HHIPL1: variants seen among roughly 807,000 people sequenced by gnomAD.
HHIPL1 encodes HHIP-like protein 1.
In HHIPL1, 43 loss-of-function variants were observed where a neutral mutation model predicts 61.8. The ratio of observed to expected loss-of-function variants is 0.70; its 90% CI spans 0.55 to 0.90. The LOEUF (loss-of-function observed/expected upper bound fraction) is 0.90. Ranked by LOEUF, HHIPL1 falls within the 40% of genes least tolerant of loss-of-function variation. The pLI is 0.00. For missense variants in HHIPL1, 1,056 were observed against 1,157.7 expected (o/e 0.91, Z 1.28); for synonymous variants, 482 against 515.8 (o/e 0.93, Z 0.89).
In HHIPL1 at chr14:99,660,313, C is replaced by A. The variant is rs1307197329; in HGVS notation, c.1409C>A (p.Thr470Lys). ...CTGCCGATTTTCGCCTACCCGCACACGGTTGGCAAGTCGGTCACAGGGGGC... is the reference window on the plus strand; with the variant it reads ...CTGCCGATTTTCGCCTACCCGCACAAGGTTGGCAAGTCGGTCACAGGGGGC... ...DLLPIFAYPHTVGKSVTGGYV... is the reference protein window; with the variant it reads ...DLLPIFAYPHKVGKSVTGGYV... The change falls in exon 5 of 9, where the codon ACG becomes AAG. Residue 470 changes from threonine to lysine, a missense_variant. By Grantham distance (78) the Thr-to-Lys change is moderately conservative. Transcript: ENST00000330710. This position sits in a 1 kb window ranked among gnomAD's most constrained non-coding sequence, Gnocchi z 4.9. 2 of 1,613,970 alleles carry A rather than the reference C, an allele frequency of 1.2e-6. No homozygotes were observed. Among genetic ancestry groups the A allele is most frequent in the Non-Finnish European group, 1.7e-6 (2 of 1,180,004 alleles).
At chr14:99,631,052 CTTTCTTTCTTTCT>C in the HHIPL1 span, among the ~76,000 whole-genome samples, 7,471 of 63,762 alleles carry the variant, frequency 0.12, 238 homozygotes, top group Non-Finnish European at 0.13. Flanking sequence ...GCTCCATTTT[CTTTCTTTCTTTCT>C]TTCTTTCTTT....
chr14:99,642,642 C>A (rs556732685), upstream of HHIPL1, among the ~76,000 whole-genome samples: 2 of 152,006 alleles, frequency 1.3e-5, no homozygotes, highest in South Asian at 4.2e-4. Context: ...TCTCCTGCCT[C>A]GGCCTCCCAA....
rs186262566 is a variant in HHIPL1, at chr14:99,665,909, G to C, written c.1649-2313G>C. On this transcript the variant is annotated intron_variant, in intron 6 of 8. Transcript: ENST00000330710. ...TGATTCTCATACCTCAGCCTCCCGA[G>C]TAGCTAGGACTATAGGTGCGCACCA... 2.6e-4 allele frequency among the ~76,000 whole-genome samples: 39 copies of C among 152,208 alleles called. No individual in the cohort carries two copies. In the East Asian group the frequency reaches 7.1e-3, roughly 28 times the overall value.
At chr14:99,665,472 G>C (rs553163899) in intron 6 of HHIPL1, among the ~76,000 whole-genome samples, 1 of 152,306 alleles carries the variant, frequency 6.6e-6, no homozygotes, top group South Asian at 2.1e-4. Flanking sequence ...GTAGAGTCTT[G>C]CTCTGCTATC....
At chr14:99,637,975 C>A in the HHIPL1 span, among the ~76,000 whole-genome samples, 1 of 152,214 alleles carries the variant, frequency 6.6e-6, no homozygotes, top group Non-Finnish European at 1.5e-5. Context: ...GCACACAGTT[C>A]TTCGTGTTTT....
chr14:99,607,021 C>CTTTTTT, the HHIPL1 span, among the ~76,000 whole-genome samples: 1,725 of 68,426 alleles, frequency 0.025, 312 homozygotes, highest in African/African-American at 0.053. Context: ...GTGACTTTGC[C>CTTTTTT]TTTTTTTTTT....
At position 99,668,349 on chromosome 14, in the gene HHIPL1, C is replaced by T. The variant is rs779233776; in HGVS notation, c.1730+46C>T. On this transcript the variant is annotated intron_variant, in intron 7 of 8. Transcript: ENST00000330710. This position sits in a 1 kb window ranked among gnomAD's most constrained non-coding sequence, Gnocchi z 4.7. ...CAGGGAGCTCCTGCTGTCTGTCAGG[C>T]CTCTTAGCTCCACGGGCTTGTCCCC... 4 of 1,132,816 alleles carry T rather than the reference C, an allele frequency of 3.5e-6. No individual in the cohort carries two copies. Among genetic ancestry groups the T allele is most frequent in the Non-Finnish European group, 5.4e-6 (4 of 741,770 alleles). 70.2% of individuals were successfully genotyped at this position (1,132,816 alleles called of 1,614,324 possible).
rs1383626402 is a variant in HHIPL1, at chr14:99,675,513, G to A, written c.2236G>A (p.Ala746Thr). 4 of 1,542,808 alleles carry A rather than the reference G, an allele frequency of 2.6e-6. No individual in the cohort carries two copies. Among genetic ancestry groups the A allele is most frequent in the Non-Finnish European group, 3.5e-6 (4 of 1,146,502 alleles). The change falls in exon 9 of 9, where the codon GCG becomes ACG. Residue 746 changes from alanine to threonine, a missense_variant. By Grantham distance (58) the Ala-to-Thr change is moderately conservative. Coordinates refer to ENST00000330710, the MANE Select transcript of HHIPL1 (RefSeq NM_001127258.3). The surrounding 1 kb of genome is among the most constrained non-coding windows in gnomAD (Gnocchi z 5.4). ...CATTCTGCTGGACGATGTGCGCTGC[G>A]CGGGCTGGGAGCGGAACCTGCTGGA... is the stretch of plus-strand genomic sequence containing the variant. ...LPILLDDVRC[A>T]GWERNLLECQ...
the HHIPL1 span, among the ~76,000 whole-genome samples, chr14:99,610,086 C>T: frequency 2.9e-4 from 44 of 152,284 alleles, no homozygotes; most frequent in African/African-American, 1.0e-3. Flanking sequence ...CCATGACTTC[C>T]CAGCCAGAGC....
At chr14:99,636,754 G>A in the HHIPL1 span, among the ~76,000 whole-genome samples, 16 of 152,054 alleles carry the variant, frequency 1.1e-4, no homozygotes, top group East Asian at 5.8e-4. Flanking sequence ...TTGGGAGGCC[G>A]AGGGGGGAGA....
At chr14:99,646,053 G>A (rs1368247196) in intron 1 of HHIPL1, among the ~76,000 whole-genome samples, 1 of 152,256 alleles carries the variant, frequency 6.6e-6, no homozygotes, top group Non-Finnish European at 1.5e-5. Flanking sequence ...ATGGCGCCCT[G>A]GCCTGCAGAA....
chr14:99,626,860 C>T, the HHIPL1 span, among the ~76,000 whole-genome samples: 148,136 of 152,240 alleles, frequency 0.97, 72,207 homozygotes, highest in East Asian at 1. Flanking sequence ...CTGTTCCTCC[C>T]CCCTCGAAGC....
At chr14:99,630,872 G>A in the HHIPL1 span, among the ~76,000 whole-genome samples, 1 of 152,122 alleles carries the variant, frequency 6.6e-6, no homozygotes, top group Non-Finnish European at 1.5e-5. Context: ...TGGCAATCCT[G>A]GTGTTCCTGG....
chr14:99,662,817 G>A, intron 5 of HHIPL1, 59 bp from the exon 6 acceptor site: 3 of 1,472,516 alleles, frequency 2.0e-6, no homozygotes, highest in Non-Finnish European at 1.8e-6. Flanking sequence ...ATGGATTGGT[G>A]GGTAGGTTCC....
At chr14:99,605,387 C>CGGGGGG in the HHIPL1 span, among the ~76,000 whole-genome samples, 1 of 115,836 alleles carries the variant, frequency 8.6e-6, no homozygotes, top group Non-Finnish European at 1.8e-5. Context: ...CGGGGCGGGG[C>CGGGGGG]GGGGGGGGGT....
chr14:99,641,048 A>T (rs995333627), upstream of HHIPL1, among the ~76,000 whole-genome samples: 1 of 151,096 alleles, frequency 6.6e-6, no homozygotes, highest in African/African-American at 2.4e-5. Context: ...CACCACACCC[A>T]GCTAATTTTT....
chr14:99,655,090 C>T (rs1470802044), intron 2 of HHIPL1, among the ~76,000 whole-genome samples: 1 of 152,124 alleles, frequency 6.6e-6, no homozygotes, highest in Admixed American at 6.6e-5. Flanking sequence ...GTTATCCTTG[C>T]CTGAATCCGC....
upstream of HHIPL1, among the ~76,000 whole-genome samples, chr14:99,640,877 CTTTTTTT>C (rs59137552): frequency 1.3e-4 from 9 of 69,870 alleles, no homozygotes; most frequent in African/African-American, 2.9e-4. Context: ...ACTTCTTCTT[CTTTTTTT>C]TTTTTTTTTT....
chr14:99,640,877 C>CTTTTTTTTTTTT (rs59137552), upstream of HHIPL1, among the ~76,000 whole-genome samples: 160 of 69,872 alleles, frequency 2.3e-3, 8 homozygotes, highest in Non-Finnish European at 2.9e-3. Context: ...ACTTCTTCTT[C>CTTTTTTTTTTTT]TTTTTTTTTT....
Sources: gnomAD v4.1 joint callset for allele counts (sites outside exome capture counted in the v4.1 genomes callset) on GRCh38, gnomAD v4.1.1 for gene constraint, Gnocchi (gnomAD v3.1) non-coding constraint, MANE v1.5 for transcripts, NCBI Gene and HGNC (gene_info 2026-07-23, HGNC 2026-07-21) for gene names.